Variants in IGSF21 observed in about 807,000 individuals in gnomAD.
IGSF21 encodes the protein immunoglobulin superfamily member 21.
A neutral mutation model predicts 46.8 loss-of-function variants in IGSF21; 28 were observed. The ratio of observed to expected loss-of-function variants is 0.60; its 90% CI spans 0.44 to 0.82. The LOEUF is 0.82. Ranked by LOEUF, IGSF21 falls within the 40% of genes least tolerant of loss-of-function variation. The pLI is 0.00. For missense variants in IGSF21, 624 were observed against 665.5 expected (o/e 0.94, Z 0.69); for synonymous variants, 284 against 273.6 (o/e 1.04, Z -0.38).
chr1:18,234,496 T>C (rs1021815939), intron 2 of IGSF21, among the ~76,000 whole-genome samples: 4 of 152,216 alleles, frequency 2.6e-5, no homozygotes, highest in Admixed American at 6.5e-5. Context: ...CTTATGCTGC[T>C]ATAAAGAACT....
rs917388572 is a variant in IGSF21, at chr1:18,376,731, C to T, written c.1102-69C>T. On this transcript the variant is annotated intron_variant, in intron 7 of 9. Transcript: ENST00000251296. Reference sequence around the variant, plus strand: ...CTGTGCCACCCCTGGCCAGGCAGCCCCTGACCCCTTGCTGATCTGGCAGAA... The same window carrying T: ...CTGTGCCACCCCTGGCCAGGCAGCCTCTGACCCCTTGCTGATCTGGCAGAA... The T allele has an allele frequency of 2.0e-5, 30 of 1,472,230 alleles. No individual in the cohort carries two copies. The South Asian group carries it at 3.6e-4, about 18-fold the overall frequency. The allele number at this position is 1,472,230 out of a possible 1,614,324, so 91.2% of individuals were successfully genotyped here. A position where few individuals can be genotyped will look rare whatever the true frequency, so the allele number is the denominator to read the frequency against.
At chr1:18,289,280 G>A (rs916373881) in intron 2 of IGSF21, among the ~76,000 whole-genome samples, 7 of 152,220 alleles carry the variant, frequency 4.6e-5, no homozygotes, top group African/African-American at 1.7e-4. Flanking sequence ...TAAACAGGCA[G>A]GATGCCTTCC....
chr1:18,349,992 T>C (rs1171365796), intron 4 of IGSF21, among the ~76,000 whole-genome samples: 1 of 151,992 alleles, frequency 6.6e-6, no homozygotes, highest in African/African-American at 2.4e-5. Context: ...AGCTGGTAGG[T>C]GTCCGAAGCA....
intron 1 of IGSF21, among the ~76,000 whole-genome samples, chr1:18,155,201 C>T (rs377626989): frequency 3.3e-5 from 5 of 152,084 alleles, no homozygotes; most frequent in East Asian, 1.9e-4. Context: ...ACCCGCCTCC[C>T]CAGCTGTGAC....
At chr1:18,273,007 C>CCAAT (rs901528773) in intron 2 of IGSF21, among the ~76,000 whole-genome samples, 3 of 149,542 alleles carry the variant, frequency 2.0e-5, no homozygotes, top group African/African-American at 7.4e-5. Context: ...ACTGGGCCCT[C>CCAAT]CAATCCCTTC....
intron 1 of IGSF21, among the ~76,000 whole-genome samples, chr1:18,188,770 G>T (rs2086927746): frequency 6.6e-6 from 1 of 152,216 alleles, no homozygotes; most frequent in Non-Finnish European, 1.5e-5. Flanking sequence ...TGGAAATTGA[G>T]GCACAGAGAA....
intron 1 of IGSF21, among the ~76,000 whole-genome samples, chr1:18,211,965 G>C (rs1375548560): frequency 6.6e-6 from 1 of 152,210 alleles, no homozygotes; most frequent in African/African-American, 2.4e-5. Flanking sequence ...ACGCTCCTGA[G>C]GCCCATGTGG....
chr1:18,211,990 T>C (rs1329556051), intron 1 of IGSF21, among the ~76,000 whole-genome samples: 1 of 152,186 alleles, frequency 6.6e-6, no homozygotes, highest in Non-Finnish European at 1.5e-5. Context: ...GCCAACAGGT[T>C]GGGCCATCTG....
At chr1:18,250,860 A>G (rs963937519) in intron 2 of IGSF21, among the ~76,000 whole-genome samples, 5 of 152,206 alleles carry the variant, frequency 3.3e-5, no homozygotes, top group Admixed American at 1.3e-4. Context: ...GAGACAGACC[A>G]TTAATTAATT....
chr1:18,149,104 G>A (rs956676956), intron 1 of IGSF21, among the ~76,000 whole-genome samples: 1 of 152,180 alleles, frequency 6.6e-6, no homozygotes, highest in African/African-American at 2.4e-5. Flanking sequence ...GTACTCCTGC[G>A]GCCCACCTTG....
intron 2 of IGSF21, among the ~76,000 whole-genome samples, chr1:18,260,969 G>A (rs1436290835): frequency 1.3e-5 from 2 of 152,244 alleles, no homozygotes; most frequent in Non-Finnish European, 2.9e-5. Context: ...AGCAGATGGA[G>A]CCTAGGTGAA....
intron 1 of IGSF21, among the ~76,000 whole-genome samples, chr1:18,208,045 T>G (rs2084349711): frequency 6.6e-6 from 1 of 151,894 alleles, no homozygotes; most frequent in Admixed American, 6.6e-5. Context: ...GGGAGAGAGA[T>G]AGGAATTAAC....
rs755265205 is a variant in IGSF21, at chr1:18,365,632, C to G, written c.950C>G (p.Ala317Gly). ...WTLNPQIDNE[A>G]LFSCEVKHPA... is the part of the protein sequence containing the mutation. ...CTCAACCCACAGATCGACAACGAGG[C>G]CCTCTTCAGCTGCGAGGTCAAGCAC... is the stretch of plus-strand genomic sequence containing the variant. The change falls in exon 6 of 10, where the codon GCC becomes GGC. Residue 317 changes from alanine (A) to glycine (G), a missense_variant. Physicochemically the swap from Ala to Gly is moderately conservative, Grantham distance 60. Transcript: ENST00000251296. The surrounding 1 kb of genome is among the most constrained non-coding windows in gnomAD (Gnocchi z 4.8). The G allele has an allele frequency of 4.0e-5, 65 of 1,614,090 alleles. 1 individual carries two copies. The highest frequency in any genetic ancestry group is 5.4e-5 in the Non-Finnish European group (64 of 1,180,054).
At chr1:18,124,846 G>C (rs2086262951) in intron 1 of IGSF21, among the ~76,000 whole-genome samples, 1 of 152,222 alleles carries the variant, frequency 6.6e-6, no homozygotes, top group African/African-American at 2.4e-5. Context: ...AGACAGAAGA[G>C]GCATATGCGA....
At position 18,376,049 on chromosome 1, in the gene IGSF21, A is replaced by G. The variant is rs369918450; in HGVS notation, c.1016-261A>G. ...GTCTTTCTTCCCCACTGATGTGTGA[A>G]CCCCCCAAGAGCAGGAATCATGTCC... On this transcript the variant is annotated intron_variant, in intron 6 of 9. Transcript: ENST00000251296. The G allele has an allele frequency of 9.2e-5, 36 of 389,372 alleles. No individual in the cohort carries two copies. In the East Asian group the frequency reaches 9.9e-4, roughly 11 times the overall value. The allele number at this position is 389,372 out of a possible 1,614,324, so 24.1% of individuals were successfully genotyped here.
chr1:18,189,585 T>C (rs574933621), intron 1 of IGSF21, among the ~76,000 whole-genome samples: 1 of 151,676 alleles, frequency 6.6e-6, no homozygotes, highest in Non-Finnish European at 1.5e-5. Flanking sequence ...TGCAACTAGA[T>C]GGCCCCACTG....
rs905385498 is a variant in IGSF21, at chr1:18,182,928, C to T, written c.71-44970C>T. Among the ~76,000 whole-genome samples the T allele has an allele frequency of 9.2e-5, 14 of 152,290 alleles. No individual in the cohort carries two copies. The South Asian group carries it at 1.9e-3, about 20-fold the overall frequency. The stretch of plus-strand genomic sequence containing the variant: ...TCTCTCGTTCCCCTGATGAATCACA[C>T]GAGGCCTGGTGACACAGCATCATCA... On this transcript the variant is annotated intron_variant, in intron 1 of 9. Transcript: ENST00000251296.
chr1:18,161,320 G>A (rs939288224), intron 1 of IGSF21, among the ~76,000 whole-genome samples: 6 of 152,068 alleles, frequency 3.9e-5, no homozygotes, highest in South Asian at 2.1e-4. Context: ...TCCCCATGCC[G>A]CAGAGGAGCA....
At chr1:18,237,046 G>C (rs570123741) in intron 2 of IGSF21, among the ~76,000 whole-genome samples, 2 of 152,276 alleles carry the variant, frequency 1.3e-5, no homozygotes, top group African/African-American at 4.8e-5. Flanking sequence ...AGACCCAATT[G>C]CTTCTATTGA....
Sources: allele counts gnomAD v4.1 joint callset (sites outside exome capture counted in the v4.1 genomes callset), GRCh38; gene constraint gnomAD v4.1.1; non-coding constraint Gnocchi (gnomAD v3.1); transcripts MANE v1.5; gene names NCBI Gene and HGNC (gene_info 2026-07-23, HGNC 2026-07-21).